POP1: variants seen among roughly 807,000 people sequenced by gnomAD.
The protein encoded by POP1 is ribonucleases P/MRP protein subunit POP1.
A neutral mutation model predicts 102.2 loss-of-function variants in POP1; 75 were observed. That is an observed-to-expected ratio of 0.73 (90% CI 0.61 to 0.89). The LOEUF (loss-of-function observed/expected upper bound fraction) is 0.89, where lower values mean the gene tolerates loss of function less well. Among genes scored for constraint, POP1 ranks in the 40% least tolerant of loss-of-function variants. The pLI, the probability that POP1 is intolerant of heterozygous loss-of-function variation, is 0.00. For missense variants in POP1, 1,116 were observed against 1,267.4 expected (o/e 0.88, Z 1.81); for synonymous variants, 436 against 464.1 (o/e 0.94, Z 0.78).
intron 10 of POP1, 63 bp from the exon 11 acceptor site, chr8:98,140,706 T>C (rs775888815): frequency 3.9e-6 from 6 of 1,548,002 alleles, no homozygotes; most frequent in South Asian, 3.4e-5. Flanking sequence ...GATTTAAAAA[T>C]ACAAGCAAAT....
At chr8:98,123,307 C>T in intron 1 of POP1, 29 bp from the exon 2 acceptor site, 1 of 1,608,068 alleles carries the variant, frequency 6.2e-7, no homozygotes, top group Non-Finnish European at 8.5e-7. Flanking sequence ...TTTCCTTTCC[C>T]TGTATTAAAT....
intron 6 of POP1, 83 bp from the exon 7 acceptor site, chr8:98,134,389 A>G: frequency 7.2e-7 from 1 of 1,387,770 alleles, no homozygotes; most frequent in South Asian, 1.2e-5. Context: ...GGAGGCAGAC[A>G]GTAAATGACA....
Position 98,140,971 on chromosome 8 carries a change from C to A in POP1, c.1594+83C>A, listed in dbSNP as rs1337928771. The A allele has an allele frequency of 4.0e-6, 6 of 1,500,948 alleles. No homozygotes were observed. The Admixed American group carries it at 8.4e-5, about 21-fold the overall frequency. The allele number at this position is 1,500,948 out of a possible 1,614,324, so 93.0% of individuals were successfully genotyped here. On this transcript the variant is annotated intron_variant, in intron 11 of 15. Coordinates refer to ENST00000401707, the MANE Select transcript of POP1 (RefSeq NM_001145860.2). The stretch of plus-strand genomic sequence containing the variant: ...TAGAAGAAGAGTTCTTTCTCTGACA[C>A]CTCTCCAGTAACTTCATCTGTAAAA...
chr8:98,156,899 ATTTTTTT>A (rs35066160), intron 15 of POP1, among the ~76,000 whole-genome samples: 1 of 128,252 alleles, frequency 7.8e-6, no homozygotes, highest in Non-Finnish European at 1.7e-5. Context: ...CTTTGCTCTG[ATTTTTTT>A]TTTTTTTTTT....
chr8:98,128,594 G>C, intron 4 of POP1, 54 bp downstream of exon 4: 1 of 1,573,608 alleles, frequency 6.4e-7, no homozygotes. Flanking sequence ...AGAAGAAATT[G>C]AGAAGTATTG....
intron 11 of POP1, 53 bp downstream of exon 11, chr8:98,140,941 C>A: frequency 6.3e-7 from 1 of 1,595,330 alleles, no homozygotes; most frequent in Non-Finnish European, 8.6e-7. Flanking sequence ...GCAGTCCAGT[C>A]TTATTAGAAG....
At chr8:98,143,384 C>G (rs1816757255) in intron 11 of POP1, among the ~76,000 whole-genome samples, 1 of 152,134 alleles carries the variant, frequency 6.6e-6, no homozygotes, top group East Asian at 1.9e-4. Flanking sequence ...GCTTTAGATT[C>G]ACAGCAAAAT....
chr8:98,139,809 G>A (rs1816657346), intron 9 of POP1, among the ~76,000 whole-genome samples: 1 of 152,210 alleles, frequency 6.6e-6, no homozygotes. Flanking sequence ...GTATCTTAGT[G>A]AGTTAGTCTA....
At position 98,158,893 on chromosome 8, in the gene POP1, T is replaced by G. The variant is rs966042113; in HGVS notation, c.*622T>G. ...GGGTCTATGACGTGGACTTCCTGAC[T>G]CTTTGATCTCTTTGTTGTTGACCAA... On this transcript the variant is annotated 3_prime_UTR_variant, in exon 16 of 16. Coordinates refer to ENST00000401707, the MANE Select transcript of POP1 (RefSeq NM_001145860.2). 1 of 152,252 alleles carries G rather than the reference T, an allele frequency of 6.6e-6. No homozygotes were observed. The highest frequency in any genetic ancestry group is 6.5e-5 in the Admixed American group (1 of 15,278). The allele number at this position is 152,252 out of a possible 1,614,324, so 9.4% of individuals were successfully genotyped here. A position where few individuals can be genotyped will look rare whatever the true frequency, so the allele number is the denominator to read the frequency against.
intron 11 of POP1, among the ~76,000 whole-genome samples, chr8:98,145,922 T>C (rs1816832052): frequency 6.6e-6 from 1 of 151,576 alleles, no homozygotes; most frequent in Non-Finnish European, 1.5e-5. Context: ...AAAAAAAGGA[T>C]GAAAAAATAC....
Position 98,140,900 on chromosome 8 carries a change from A to G in POP1, c.1594+12A>G, listed in dbSNP as rs535897290. On this transcript the variant is annotated intron_variant, in intron 11 of 15. Coordinates refer to ENST00000401707, the MANE Select transcript of POP1 (RefSeq NM_001145860.2). ...AGAAAAATGCCAAGGTAAAGTTCCA[A>G]AAACACCCCAGGTTTTCCTTACTAT... The G allele has an allele frequency of 3.1e-6, 5 of 1,613,414 alleles. No individual in the cohort carries two copies. In the East Asian group the frequency reaches 1.1e-4, roughly 36 times the overall value.
intron 15 of POP1, among the ~76,000 whole-genome samples, chr8:98,156,878 T>C (rs1017883449): frequency 6.6e-6 from 1 of 151,378 alleles, no homozygotes; most frequent in East Asian, 1.9e-4. Flanking sequence ...TCAGTGACCC[T>C]GCATTCTGTG....
At chr8:98,155,018 G>A (rs999129787) in intron 14 of POP1, among the ~76,000 whole-genome samples, 7 of 152,192 alleles carry the variant, frequency 4.6e-5, no homozygotes, top group Admixed American at 3.9e-4. Flanking sequence ...GGCTATGTAA[G>A]AAACTGATAA....
Position 98,134,472 on chromosome 8 carries a change from G to A in POP1, c.824G>A (p.Gly275Glu). The A allele has an allele frequency of 1.2e-6, 2 of 1,614,028 alleles. No homozygotes were observed. The highest frequency in any genetic ancestry group is 1.7e-6 in the Non-Finnish European group (2 of 1,180,012). The change falls in exon 7 of 16, where the codon GGG (glycine) becomes GAG (glutamate). Residue 275 changes from glycine (G) to glutamate (E), a missense_variant and splice_region_variant. Coordinates refer to ENST00000401707, the MANE Select transcript of POP1 (RefSeq NM_001145860.2). ...GGAATTTTGCTTTTGTTGATGTCAG[G>A]GCTGACGTTTGCAGCAGTTCACTGC... ...ALSGMCNIDT[G>E]LTFAAVHCLS...
At position 98,136,957 on chromosome 8, in the gene POP1, A is replaced by G; in HGVS notation, c.1362+3A>G. On this transcript the variant is annotated splice_donor_region_variant and intron_variant, in intron 9 of 15. Coordinates refer to ENST00000401707, the MANE Select transcript of POP1 (RefSeq NM_001145860.2). The stretch of plus-strand genomic sequence containing the variant: ...TAAAAGCTGCTTCTGTCCACACTGT[A>G]AGAGTAAAAGTGACTGTAGTGTTTT... 8 of 1,585,944 alleles carry G rather than the reference A, an allele frequency of 5.0e-6. No homozygotes were observed. The highest frequency in any genetic ancestry group is 6.9e-6 in the Non-Finnish European group (8 of 1,154,374).
intron 1 of POP1, among the ~76,000 whole-genome samples, chr8:98,121,613 G>T (rs1816024185): frequency 6.6e-6 from 1 of 150,716 alleles, no homozygotes; most frequent in Non-Finnish European, 1.5e-5. Context: ...CACCTCCTGG[G>T]TTCAAGCGAT....
chr8:98,145,581 A>G (rs556917779), intron 11 of POP1, among the ~76,000 whole-genome samples: 52 of 152,136 alleles, frequency 3.4e-4, no homozygotes, highest in Non-Finnish European at 5.0e-4. Context: ...AAAGGGATAA[A>G]ACACTATGTA....
chr8:98,128,230 A>G, intron 3 of POP1, 135 bp from the exon 4 acceptor site: 1 of 800,508 alleles, frequency 1.2e-6, no homozygotes, highest in South Asian at 1.5e-5. Flanking sequence ...TTGTACCTAT[A>G]CCTTAGATAT....
In POP1 at chr8:98,148,946, GGGAA is replaced by G; in HGVS notation, c.1844_1847del (p.Gly615ValfsTer24). The G allele has an allele frequency of 6.2e-7, 1 of 1,613,832 alleles. No individual in the cohort carries two copies. Among genetic ancestry groups the G allele is most frequent in the Non-Finnish European group, 8.5e-7 (1 of 1,179,876 alleles). On this transcript the variant is annotated frameshift_variant, in exon 13 of 16. Transcript: ENST00000401707. LOFTEE classifies it high-confidence loss of function. The stretch of plus-strand genomic sequence containing the variant: ...TGACTGGTGAAGATCGACTAGGCTG[GGGAA>G]GTGGCTGGGATGTCCTACTCCCAAA...
Sources: gnomAD v4.1 joint callset for allele counts (sites outside exome capture counted in the v4.1 genomes callset) on GRCh38, gnomAD v4.1.1 for gene constraint, MANE v1.5 for transcripts, NCBI Gene and HGNC (gene_info 2026-07-23, HGNC 2026-07-21) for gene names.